IGBP1: variants seen among roughly 807,000 people sequenced by gnomAD.
IGBP1 encodes immunoglobulin binding protein 1.
Under a neutral mutation model 25.9 loss-of-function variants are expected in IGBP1, and 2 were observed. That is an observed-to-expected ratio of 0.08 (90% CI 0.03 to 0.24). The LOEUF (loss-of-function observed/expected upper bound fraction) is 0.24. Among genes scored for constraint, IGBP1 ranks in the 10% least tolerant of loss-of-function variants. The pLI is 1.00. For synonymous variants in IGBP1, 96 were observed against 93.4 expected (o/e 1.03, Z -0.16); for missense variants, 187 against 260.4 (o/e 0.72, Z 1.94).
chrX:70,145,981 A>G (rs1014158160), intron 3 of IGBP1, among the ~76,000 whole-genome samples: 7 of 111,949 alleles, frequency 6.3e-5, no homozygotes, highest in African/African-American at 2.3e-4. Flanking sequence ...TCATGAGACC[A>G]AGGACTTTTA....
intron 3 of IGBP1, among the ~76,000 whole-genome samples, chrX:70,142,006 C>T (rs1250099719): frequency 6.3e-5 from 7 of 111,524 alleles, no homozygotes; most frequent in East Asian, 2.8e-4. Context: ...TTCAAATTCC[C>T]AGTTCTAGTA....
At chrX:70,148,692 A>G (rs913876824) in intron 4 of IGBP1, 69 bp from the exon 5 acceptor site, 5 of 710,711 alleles carry the variant, frequency 7.0e-6, no homozygotes, top group Admixed American at 5.0e-5. Flanking sequence ...GCACCTGAAG[A>G]CTTAAGAGCC....
intron 6 of IGBP1, among the ~76,000 whole-genome samples, chrX:70,157,105 TAAAAG>T (rs909704216): frequency 2.7e-5 from 3 of 111,751 alleles, no homozygotes; most frequent in Non-Finnish European, 3.8e-5. Flanking sequence ...TAAAAATAAA[TAAAAG>T]AGAATACTTT....
At chrX:70,162,044 A>C (rs1032999938) in intron 6 of IGBP1, among the ~76,000 whole-genome samples, 1 of 112,207 alleles carries the variant, frequency 8.9e-6, no homozygotes, top group Non-Finnish European at 1.9e-5. Context: ...TTTTATGTAG[A>C]TACTCCTGCT....
At chrX:70,159,563 A>G (rs189617736) in intron 6 of IGBP1, among the ~76,000 whole-genome samples, 2 of 110,822 alleles carry the variant, frequency 1.8e-5, no homozygotes, top group East Asian at 2.9e-4. Flanking sequence ...ACATGGGTGC[A>G]GGTTCAGTCT....
chrX:70,155,363 C>T (rs2085233057), intron 6 of IGBP1, among the ~76,000 whole-genome samples: 1 of 109,260 alleles, frequency 9.2e-6, no homozygotes, highest in Admixed American at 9.7e-5. Context: ...GGTGTGGTGG[C>T]ACACGCCTGT....
intron 3 of IGBP1, among the ~76,000 whole-genome samples, chrX:70,145,876 T>C (rs2085163209): frequency 1.8e-5 from 2 of 112,526 alleles, no homozygotes; most frequent in Admixed American, 9.4e-5. Flanking sequence ...CCACCATCAC[T>C]GTATGCATTT....
intron 6 of IGBP1, among the ~76,000 whole-genome samples, chrX:70,153,191 G>A (rs1432727528): frequency 1.8e-5 from 2 of 111,919 alleles, no homozygotes; most frequent in Admixed American, 1.9e-4. Context: ...ACCTGTCAAC[G>A]TATAATTTTA....
chrX:70,134,226 A>G lies in IGBP1; in HGVS notation c.188+91A>G, dbSNP rs1282244820. Reference sequence around the variant, plus strand: ...TTGCGCCTGAGTGGAGGGGACCTTTAGTGGTGAGAACGTTTCGTTCCTACT... The same window carrying G: ...TTGCGCCTGAGTGGAGGGGACCTTTGGTGGTGAGAACGTTTCGTTCCTACT... On this transcript the variant is annotated intron_variant, in intron 2 of 6. Transcript: ENST00000356413. 4.7e-6 allele frequency: 4 copies of G among 843,809 alleles called. No individual in the cohort carries two copies. In the East Asian group the frequency reaches 1.3e-4, roughly 27 times the overall value. 69.5% of individuals were successfully genotyped at this position (843,809 alleles called of 1,213,427 possible). A position where few individuals can be genotyped will look rare whatever the true frequency, so the allele number is the denominator to read the frequency against.
rs571465986 is a variant in IGBP1 at position 70,162,671 on chromosome X, T to G, written c.872-3162T>G. 2.7e-5 allele frequency among the ~76,000 whole-genome samples: 3 copies of G among 112,382 alleles called. No homozygotes were observed. The South Asian group carries it at 1.1e-3, about 41-fold the overall frequency. On this transcript the variant is annotated intron_variant, in intron 6 of 6. Transcript: ENST00000356413. ...AAAATTAAGAAGTTGATTTAAATAG[T>G]TTTTTAAAACAATAATTGTGGGCCG...
In IGBP1 at chrX:70,141,165, G is replaced by A. The variant is rs753332534; in HGVS notation, c.483-5468G>A. ...TCAAGACCAGCCTGGCCAAGGTGGC[G>A]AAACCCCGTCTGTACTAAAAATACA... On this transcript the variant is annotated intron_variant, in intron 3 of 6. Coordinates refer to ENST00000356413, the MANE Select transcript of IGBP1 (RefSeq NM_001551.3). Among the ~76,000 whole-genome samples the A allele has an allele frequency of 2.2e-3, 245 of 110,082 alleles. 1 individual carries two copies. Among genetic ancestry groups the A allele is most frequent in the Non-Finnish European group, 3.7e-3 (193 of 52,829 alleles).
At chrX:70,157,527 C>T (rs2085248659) in intron 6 of IGBP1, among the ~76,000 whole-genome samples, 1 of 111,852 alleles carries the variant, frequency 8.9e-6, no homozygotes, top group Admixed American at 9.5e-5. Flanking sequence ...ACTCAAATGC[C>T]CATAAATAAT....
intron 6 of IGBP1, chrX:70,164,183 G>A (rs757337560): frequency 9.0e-6 from 1 of 111,514 alleles, no homozygotes; most frequent in Non-Finnish European, 1.9e-5. Flanking sequence ...AGGTTGCAGT[G>A]AGCCAAGATC....
chrX:70,139,925 T>A (rs181490856), intron 3 of IGBP1, among the ~76,000 whole-genome samples: 30 of 111,931 alleles, frequency 2.7e-4, no homozygotes, highest in Admixed American at 1.9e-3. Context: ...TGACCGTCTT[T>A]CAGTTCTTTG....
chrX:70,133,589 C>T (rs1359735811), intron 1 of IGBP1, 49 bp downstream of exon 1: 2 of 397,455 alleles, frequency 5.0e-6, no homozygotes, highest in Non-Finnish European at 8.6e-6. Flanking sequence ...CTCGTCCGCA[C>T]TCCTCGCGCT....
chrX:70,149,666 A>G (rs1191889946), intron 5 of IGBP1: 7 of 120,425 alleles, frequency 5.8e-5, no homozygotes, highest in African/African-American at 2.3e-4. Flanking sequence ...AAAAAAAAAA[A>G]AAAAGCACAC....
Position 70,134,024 on chromosome X carries a change from T to C in IGBP1, c.77T>C (p.Val26Ala). The change falls in exon 2 of 7, where the codon GTA becomes GCA. Residue 26 changes from valine (V) to alanine (A), a missense_variant. By Grantham distance (64) the Val-to-Ala change is moderately conservative. Coordinates refer to ENST00000356413, the MANE Select transcript of IGBP1 (RefSeq NM_001551.3). ...ACTGGTAGACAGTTACTGGACGAAG[T>C]AGAAGTGGCGACTGAACCCGCCGGT... is the stretch of plus-strand genomic sequence containing the variant. ...FETGRQLLDEVEVATEPAGSR... is the reference protein window; with the variant it reads ...FETGRQLLDEAEVATEPAGSR... The C allele has an allele frequency of 8.3e-7, 1 of 1,211,042 alleles. No individual in the cohort carries two copies. The highest frequency in any genetic ancestry group is 1.8e-5 in the South Asian group (1 of 56,957).
intron 6 of IGBP1, among the ~76,000 whole-genome samples, chrX:70,165,385 G>C (rs1020159597): frequency 1.8e-5 from 2 of 111,219 alleles, no homozygotes; most frequent in African/African-American, 6.5e-5. Context: ...AAAGGAAATG[G>C]ATGGAGGAGG....
Position 70,148,924 on chromosome X carries a change from T to C in IGBP1, c.758+84T>C, listed in dbSNP as rs1055698284. The C allele has an allele frequency of 4.2e-6, 3 of 716,238 alleles. No individual in the cohort carries two copies. The African/African-American group carries it at 6.3e-5, about 15-fold the overall frequency. The allele number at this position is 716,238 out of a possible 1,213,427, so 59.0% of individuals were successfully genotyped here. A position where few individuals can be genotyped will look rare whatever the true frequency, so the allele number is the denominator to read the frequency against. On this transcript the variant is annotated intron_variant, in intron 5 of 6. Transcript: ENST00000356413. ...ATTCATTAGTGACCCACAGACTGAG[T>C]GGTGTTGAAAAGTCATGATCTTGGG...
Sources: gnomAD v4.1 joint callset for allele counts (sites outside exome capture counted in the v4.1 genomes callset) on GRCh38, gnomAD v4.1.1 for gene constraint, MANE v1.5 for transcripts, NCBI Gene and HGNC (gene_info 2026-07-23, HGNC 2026-07-21) for gene names.